Variants in NR3C2 observed in about 807,000 individuals in gnomAD.
The protein encoded by NR3C2 is mineralocorticoid receptor.
In NR3C2, 15 loss-of-function variants were observed where a neutral mutation model predicts 86.4. The ratio of observed to expected loss-of-function variants is 0.17; its 90% confidence interval spans 0.12 to 0.27. The LOEUF (loss-of-function observed/expected upper bound fraction) is 0.27. Among genes scored for constraint, NR3C2 ranks in the 10% least tolerant of loss-of-function variants. The pLI is 1.00. For missense variants in NR3C2, 960 were observed against 1,195.6 expected (o/e 0.80, Z 2.91); for synonymous variants, 458 against 450.5 (o/e 1.02, Z -0.21).
chr4:148,271,530 C>A (rs753876401), intron 2 of NR3C2, among the ~76,000 whole-genome samples: 6 of 152,092 alleles, frequency 3.9e-5, no homozygotes, highest in Non-Finnish European at 7.3e-5. Context: ...CACGAAAGTA[C>A]ATAAAAATAT....
chr4:148,227,669 C>CATTG (rs1370321645), intron 3 of NR3C2, among the ~76,000 whole-genome samples: 5 of 151,966 alleles, frequency 3.3e-5, no homozygotes. Flanking sequence ...CCTTTTTCAC[C>CATTG]ATTGATAGAT....
At chr4:148,363,502 A>ATTTTTTTTTTTTTTTTTTT (rs1414328296) in intron 2 of NR3C2, among the ~76,000 whole-genome samples, 6 of 16,226 alleles carry the variant, frequency 3.7e-4, no homozygotes, top group South Asian at 3.5e-3. Flanking sequence ...CTTCTCATAG[A>ATTTTTTTTTTTTTTTTTTT]TCTCTTTTTT....
At chr4:148,202,082 A>C (rs1736749973) in intron 3 of NR3C2, among the ~76,000 whole-genome samples, 1 of 152,254 alleles carries the variant, frequency 6.6e-6, no homozygotes, top group Non-Finnish European at 1.5e-5. Context: ...TTATGTTTTA[A>C]AAAACTGACT....
At chr4:148,193,414 G>C (rs7659754) in intron 4 of NR3C2, among the ~76,000 whole-genome samples, 4,968 of 152,244 alleles carry the variant, frequency 0.033, 141 homozygotes, top group African/African-American at 0.079. Context: ...TTCTTGCAGT[G>C]GATCTGGAGC....
intron 2 of NR3C2, among the ~76,000 whole-genome samples, chr4:148,419,531 C>A (rs1749174530): frequency 6.6e-6 from 1 of 152,164 alleles, no homozygotes; most frequent in African/African-American, 2.4e-5. Flanking sequence ...TTCTTACGTA[C>A]TCTTAGGTGG....
intron 2 of NR3C2, among the ~76,000 whole-genome samples, chr4:148,416,055 A>G (rs1748979931): frequency 6.6e-6 from 1 of 152,166 alleles, no homozygotes; most frequent in Non-Finnish European, 1.5e-5. Flanking sequence ...TTAAATATAA[A>G]AAATAAATTG....
Position 148,282,515 on chromosome 4 carries a change from T to C in NR3C2, c.1758-22398A>G, listed in dbSNP as rs187911903. 2.0e-5 allele frequency among the ~76,000 whole-genome samples: 3 copies of C among 152,234 alleles called. No homozygotes were observed. The East Asian group carries it at 5.8e-4, about 29-fold the overall frequency. ...ATGTGCATAAAAGTAGGGATAAAAT[T>C]AGAAAAGTCAGTCTATTCCTGCAAC... is the stretch of plus-strand genomic sequence containing the variant. On this transcript the variant is annotated intron_variant, in intron 2 of 8. Transcript: ENST00000358102.
chr4:148,366,769 A>AC (rs1554013095), intron 2 of NR3C2, among the ~76,000 whole-genome samples: 18 of 151,962 alleles, frequency 1.2e-4, no homozygotes, highest in South Asian at 2.1e-4. Flanking sequence ...AGCTAAAATT[A>AC]CCCCCCCAAA....
intron 4 of NR3C2, among the ~76,000 whole-genome samples, chr4:148,187,483 T>C (rs572211688): frequency 3.9e-5 from 6 of 152,362 alleles, no homozygotes; most frequent in African/African-American, 9.6e-5. Flanking sequence ...TTCATGTTTG[T>C]TGGCCATTTG....
chr4:148,387,107 C>T (rs1211281689), intron 2 of NR3C2, among the ~76,000 whole-genome samples: 1 of 152,156 alleles, frequency 6.6e-6, no homozygotes, highest in Non-Finnish European at 1.5e-5. Context: ...CGGAAGTTAC[C>T]AGTTGGAGAT....
chr4:148,192,114 G>A (rs1304417264), intron 4 of NR3C2, among the ~76,000 whole-genome samples: 1 of 152,170 alleles, frequency 6.6e-6, no homozygotes, highest in African/African-American at 2.4e-5. Context: ...ATTTGTGCAG[G>A]CTCTGTCAGA....
At chr4:148,166,608 C>G (rs1734889168) in intron 4 of NR3C2, among the ~76,000 whole-genome samples, 1 of 152,092 alleles carries the variant, frequency 6.6e-6, no homozygotes. Flanking sequence ...TTTAGTCATA[C>G]CCTACCACCC....
At chr4:148,254,448 A>C (rs757821039) in intron 3 of NR3C2, among the ~76,000 whole-genome samples, 8 of 152,216 alleles carry the variant, frequency 5.3e-5, no homozygotes, top group Non-Finnish European at 1.0e-4. Context: ...AAGATTCAGC[A>C]TGGGGGTCAA....
chr4:148,321,707 CT>C (rs886760318), intron 2 of NR3C2, among the ~76,000 whole-genome samples: 1 of 151,890 alleles, frequency 6.6e-6, no homozygotes, highest in Non-Finnish European at 1.5e-5. Flanking sequence ...CAACCCCTGC[CT>C]TTTTTTGTTT....
intron 6 of NR3C2, among the ~76,000 whole-genome samples, chr4:148,141,707 C>T (rs1190476926): frequency 6.6e-6 from 1 of 152,166 alleles, no homozygotes; most frequent in Non-Finnish European, 1.5e-5. Context: ...GTGAGTGTTA[C>T]AGCCTGAGCT....
At chr4:148,340,645 C>T (rs1464539791) in intron 2 of NR3C2, among the ~76,000 whole-genome samples, 2 of 152,042 alleles carry the variant, frequency 1.3e-5, no homozygotes, top group Admixed American at 1.3e-4. Context: ...GGGATCCTAT[C>T]AAGCTAAAAA....
At chr4:148,256,722 C>T (rs1739851585) in intron 3 of NR3C2, among the ~76,000 whole-genome samples, 1 of 151,920 alleles carries the variant, frequency 6.6e-6, no homozygotes. Flanking sequence ...ATCTTCAAGG[C>T]AAATAAGTGA....
rs774931479 is a variant in NR3C2, at chr4:148,436,182, T to C, written c.679A>G (p.Ser227Gly). ...TASFGSFPVH[S>G]PITQGTPLTC... The stretch of plus-strand genomic sequence containing the variant: ...AGAGGAGTTCCCTGGGTGATTGGGC[T>C]GTGCACTGGAAAACTGCCAAAGCTG... Residue 227 changes from serine (S) to glycine (G), a missense_variant, in exon 2 of 9, where the codon AGC (serine) becomes GGC (glycine). By Grantham distance (56) the Ser-to-Gly change is moderately conservative. Coordinates refer to ENST00000358102, the MANE Select transcript of NR3C2 (RefSeq NM_000901.5). 14 of 1,614,076 alleles carry C rather than the reference T, an allele frequency of 8.7e-6. No homozygotes were observed. The East Asian group carries it at 3.1e-4, about 36-fold the overall frequency.
intron 6 of NR3C2, among the ~76,000 whole-genome samples, chr4:148,126,365 G>A (rs573593687): frequency 1.3e-5 from 2 of 152,176 alleles, no homozygotes; most frequent in Non-Finnish European, 2.9e-5. Context: ...AGAGACCAAT[G>A]ATCATTTGGT....
Sources: allele counts gnomAD v4.1 joint callset (sites outside exome capture counted in the v4.1 genomes callset), GRCh38; gene constraint gnomAD v4.1.1; transcripts MANE v1.5; gene names NCBI Gene and HGNC (gene_info 2026-07-23, HGNC 2026-07-21).